The following ALMS1 variants were observed in gnomAD, a reference collection of about 807,000 sequenced individuals.
ALMS1 encodes the protein centrosome-associated protein ALMS1.
ALMS1 carries 271 observed loss-of-function variants against 352.2 expected under a neutral mutation model. That is an observed-to-expected ratio of 0.77 (90% CI 0.70 to 0.85). The LOEUF (loss-of-function observed/expected upper bound fraction) is 0.85. Among genes scored for constraint, ALMS1 ranks in the 40% least tolerant of loss-of-function variants. ALMS1 has a pLI of 0.00. For synonymous variants in ALMS1, 1,865 were observed against 1,761.2 expected, an observed-to-expected ratio of 1.06 and a Z score of -1.48; for missense variants, 5,445 against 4,870.7, an observed-to-expected ratio of 1.12 and a Z score of -3.51.
At chr2:73,587,505 A>G (rs899605494) in intron 16 of ALMS1, among the ~76,000 whole-genome samples, 1 of 152,220 alleles carries the variant, frequency 6.6e-6, no homozygotes, top group Admixed American at 6.5e-5. Context: ...GAATTTTGCC[A>G]GATGCTTTTT....
At position 73,449,104 on chromosome 2, in the gene ALMS1, G is replaced by C. The variant is rs547563359; in HGVS notation, c.2577G>C (p.Ala859=). 6 of 1,613,722 alleles carry C rather than the reference G, an allele frequency of 3.7e-6. No homozygotes were observed. In the South Asian group the frequency reaches 5.5e-5, roughly 15 times the overall value. ...CAGCTGTAACCTCTACTTCCTCTGC[G>C]TCCTCTTCACTTGGAGAAAAGCCCA... ...GTPAVTSTSS[A]SSSLGEKPSA... Residue 859 remains alanine, a synonymous_variant, in exon 8 of 23, where the codon GCG becomes GCC. Coordinates refer to ENST00000613296, the MANE Select transcript of ALMS1 (RefSeq NM_001378454.1).
chr2:73,605,644 T>C (rs1049368651), intron 21 of ALMS1, among the ~76,000 whole-genome samples: 6 of 150,958 alleles, frequency 4.0e-5, no homozygotes, highest in African/African-American at 1.5e-4. Context: ...AGGTCAGGAG[T>C]TCAAGCCTGG....
At chr2:73,416,510 T>G (rs1415356632) in intron 2 of ALMS1, among the ~76,000 whole-genome samples, 3 of 152,232 alleles carry the variant, frequency 2.0e-5, no homozygotes, top group African/African-American at 7.2e-5. Flanking sequence ...GAACATTTTG[T>G]TAATGAATTT....
chr2:73,568,665 A>G (rs980652460), intron 15 of ALMS1, among the ~76,000 whole-genome samples: 1 of 152,168 alleles, frequency 6.6e-6, no homozygotes, highest in African/African-American at 2.4e-5. Flanking sequence ...AACCGGGAGA[A>G]CTTTACTGTT....
At chr2:73,412,824 A>T (rs1572907042) in intron 2 of ALMS1, among the ~76,000 whole-genome samples, 2 of 152,068 alleles carry the variant, frequency 1.3e-5, no homozygotes, top group South Asian at 4.1e-4. Context: ...ACAAAACCCT[A>T]GGAATGGGTT....
In ALMS1 at chr2:73,491,385, G is replaced by A. The variant is rs1367123471; in HGVS notation, c.9426G>A (p.Leu3142=). The change falls in exon 10 of 23, where the codon TTG becomes TTA. Residue 3142 remains leucine, a synonymous_variant. Coordinates refer to ENST00000613296, the MANE Select transcript of ALMS1 (RefSeq NM_001378454.1). The stretch of plus-strand genomic sequence containing the variant: ...ACAGTAACACTATTACTCAGGACTT[G>A]AAAACCATACCTTCTCAGAATAGCC... ...LPDSNTITQD[L]KTIPSQNSQI... is the part of the protein sequence containing the mutation. The A allele has an allele frequency of 6.2e-7, 1 of 1,614,016 alleles. No homozygotes were observed. Among genetic ancestry groups the A allele is most frequent in the Non-Finnish European group, 8.5e-7 (1 of 1,180,022 alleles).
At chr2:73,396,975 A>G (rs751550684) in intron 1 of ALMS1, among the ~76,000 whole-genome samples, 19 of 152,088 alleles carry the variant, frequency 1.2e-4, no homozygotes, top group African/African-American at 4.8e-5. Context: ...GTTTGAGGGC[A>G]AGTTTTCTAA....
Position 73,450,797 on chromosome 2 carries a change from T to C in ALMS1, c.4270T>C (p.Leu1424=). 6.2e-7 allele frequency: 1 copy of C among 1,612,128 alleles called. No individual in the cohort carries two copies. Among genetic ancestry groups the C allele is most frequent in the Non-Finnish European group, 8.5e-7 (1 of 1,179,236 alleles). The change falls in exon 8 of 23, where the codon TTA becomes CTA. Residue 1424 remains leucine, a synonymous_variant. Coordinates refer to ENST00000613296, the MANE Select transcript of ALMS1 (RefSeq NM_001378454.1). The part of the protein sequence containing the change: ...PGDRKTGIPT[L]PSTFYSHTEK... Reference sequence around the variant, plus strand: ...TGACCGGAAGACTGGGATACCAACTTTACCCTCTACTTTCTACTCACACAC... The same window carrying C: ...TGACCGGAAGACTGGGATACCAACTCTACCCTCTACTTTCTACTCACACAC...
At chr2:73,560,867 G>A (rs1290504138) in intron 15 of ALMS1, among the ~76,000 whole-genome samples, 2 of 152,218 alleles carry the variant, frequency 1.3e-5, no homozygotes, top group Non-Finnish European at 2.9e-5. Context: ...GGATTTAGGA[G>A]GATGAGAGAG....
intron 11 of ALMS1, among the ~76,000 whole-genome samples, chr2:73,528,317 G>A (rs1280345212): frequency 2.6e-5 from 4 of 152,120 alleles, no homozygotes; most frequent in Admixed American, 2.6e-4. Flanking sequence ...TACTGAAAGC[G>A]GGGTGTTGAA....
At chr2:73,590,679 T>TTC (rs1558706635) in intron 16 of ALMS1, among the ~76,000 whole-genome samples, 1 of 134,842 alleles carries the variant, frequency 7.4e-6, no homozygotes, top group East Asian at 2.0e-4. Context: ...TTTTATTACT[T>TTC]TTTTTTTTTT....
rs1212174945 is a variant in ALMS1, at chr2:73,394,454, C to G, written c.324+8262C>G. ...GAAACCTCTGCCTCCTGGGTTCAAG[C>G]AGTTCTCCTGCCTCAGCCTCCAGTA... On this transcript the variant is annotated intron_variant, in intron 1 of 22. Coordinates refer to ENST00000613296, the MANE Select transcript of ALMS1 (RefSeq NM_001378454.1). Among the ~76,000 whole-genome samples, 3 of 152,070 alleles carry G rather than the reference C, an allele frequency of 2.0e-5. No homozygotes were observed. In the East Asian group the frequency reaches 5.8e-4, roughly 29 times the overall value.
At chr2:73,517,246 C>CTTTTTTCTTTTTTTTTTT (rs1673578117) in intron 10 of ALMS1, among the ~76,000 whole-genome samples, 1 of 105,000 alleles carries the variant, frequency 9.5e-6, no homozygotes, top group Non-Finnish European at 1.7e-5. Context: ...AAGTTTTAGT[C>CTTTTTTCTTTTTTTTTTT]TTTTTTTTTT....
At chr2:73,576,506 T>C (rs1371244464) in intron 16 of ALMS1, among the ~76,000 whole-genome samples, 1 of 152,142 alleles carries the variant, frequency 6.6e-6, no homozygotes, top group Admixed American at 6.5e-5. Flanking sequence ...TAGGATTTCA[T>C]GTTGAGGAAG....
chr2:73,438,927 A>G (rs1236746628), intron 7 of ALMS1, among the ~76,000 whole-genome samples: 6 of 150,862 alleles, frequency 4.0e-5, no homozygotes, highest in Non-Finnish European at 8.9e-5. Flanking sequence ...GTCCCTCGTA[A>G]TTTTCTTTGT....
intron 9 of ALMS1, among the ~76,000 whole-genome samples, chr2:73,481,056 G>A (rs868324430): frequency 6.6e-6 from 1 of 151,364 alleles, no homozygotes; most frequent in African/African-American, 2.4e-5. Flanking sequence ...AGTTTCTTTT[G>A]CTGTGCAGAA....
intron 10 of ALMS1, among the ~76,000 whole-genome samples, chr2:73,512,570 A>G (rs748617369): frequency 6.6e-6 from 1 of 151,982 alleles, no homozygotes; most frequent in Non-Finnish European, 1.5e-5. Flanking sequence ...TTACTGTTGA[A>G]TTTAGAGAAT....
chr2:73,466,156 A>G (rs1343634027), intron 9 of ALMS1, among the ~76,000 whole-genome samples: 1 of 152,164 alleles, frequency 6.6e-6, no homozygotes, highest in Non-Finnish European at 1.5e-5. Context: ...AGGATTATAA[A>G]TCGTGCTGCT....
Position 73,491,070 on chromosome 2 carries a change from TC to T in ALMS1, c.9113del (p.Pro3038LeufsTer12), listed in dbSNP as rs1425609364. ...CTLAASASTP[P>X]SNRKALSCVH... is the part of the protein sequence containing the mutation. ...CATTAGCAGCATCTGCATCTACTCC[TC>T]CTTCAAATAGAAAAGCACTTTCTTG... On this transcript the variant is annotated frameshift_variant, in exon 10 of 23. Transcript: ENST00000613296. LOFTEE classifies it high-confidence loss of function. The T allele has an allele frequency of 1.2e-6, 2 of 1,614,094 alleles. No individual in the cohort carries two copies. Among genetic ancestry groups the T allele is most frequent in the Non-Finnish European group, 1.7e-6 (2 of 1,180,038 alleles).
Sources: allele counts gnomAD v4.1 joint callset (sites outside exome capture counted in the v4.1 genomes callset), GRCh38; gene constraint gnomAD v4.1.1; transcripts MANE v1.5; gene names NCBI Gene and HGNC (gene_info 2026-07-23, HGNC 2026-07-21).